PTPRN2: variants seen among roughly 807,000 people sequenced by gnomAD.
The protein encoded by PTPRN2 is receptor-type tyrosine-protein phosphatase N2.
PTPRN2 carries 74 observed loss-of-function variants against 118.8 expected under a neutral mutation model. The ratio of observed to expected loss-of-function variants is 0.62; its 90% CI spans 0.52 to 0.76. PTPRN2 has a LOEUF of 0.76. PTPRN2 is among the 30% of genes least tolerant of loss of function. The pLI is 0.00. For missense variants in PTPRN2, 1,481 were observed against 1,394.4 expected (o/e 1.06, Z -0.99); for synonymous variants, 641 against 608.0 (o/e 1.05, Z -0.80).
intron 2 of PTPRN2, among the ~76,000 whole-genome samples, chr7:158,336,734 C>A (rs1586346932): frequency 2.5e-5 from 3 of 117,898 alleles, no homozygotes; most frequent in South Asian, 6.1e-4. Flanking sequence ...AGAGCTGACG[C>A]CCGCAGACGT....
In PTPRN2 at chr7:157,975,470, C is replaced by A. The variant is rs552840818; in HGVS notation, c.1724-76733G>T. Among the ~76,000 whole-genome samples, 121 of 152,288 alleles carry A rather than the reference C, an allele frequency of 7.9e-4. 1 individual carries two copies. The highest frequency in any genetic ancestry group is 2.9e-3 in the African/African-American group (120 of 41,554). ...TCCTGGGTCAGGCACCTAGGAGTCCCTGAATGCAGGCAAATCATTCCTCAG... is the reference window on the plus strand; with the variant it reads ...TCCTGGGTCAGGCACCTAGGAGTCCATGAATGCAGGCAAATCATTCCTCAG... On this transcript the variant is annotated intron_variant, in intron 11 of 22. Coordinates refer to ENST00000389418, the MANE Select transcript of PTPRN2 (RefSeq NM_002847.5).
chr7:157,636,901 T>C (rs1804354323), intron 14 of PTPRN2, among the ~76,000 whole-genome samples: 1 of 152,230 alleles, frequency 6.6e-6, no homozygotes, highest in Admixed American at 6.5e-5. Context: ...CAGAAACCAA[T>C]GCTAACCTTT....
At chr7:158,415,183 G>A in intron 2 of PTPRN2, among the ~76,000 whole-genome samples, 1 of 152,162 alleles carries the variant, frequency 6.6e-6, no homozygotes, top group Non-Finnish European at 1.5e-5. Context: ...TCAACTCCCT[G>A]CTTCCCAATT....
intron 12 of PTPRN2, among the ~76,000 whole-genome samples, chr7:157,783,706 G>C (rs1022062673): frequency 6.6e-6 from 1 of 151,862 alleles, no homozygotes; most frequent in Non-Finnish European, 1.5e-5. Context: ...TGTCCCACCT[G>C]TGGGTCCTGG....
chr7:157,952,314 G>A (rs977371077), intron 11 of PTPRN2, among the ~76,000 whole-genome samples: 1 of 150,880 alleles, frequency 6.6e-6, no homozygotes, highest in African/African-American at 2.4e-5. Flanking sequence ...AGGAACCTGG[G>A]GTAGTGTGCA....
At chr7:157,922,223 T>C (rs1674861546) in intron 11 of PTPRN2, among the ~76,000 whole-genome samples, 1 of 152,254 alleles carries the variant, frequency 6.6e-6, no homozygotes, top group Non-Finnish European at 1.5e-5. Context: ...CTGACTCTAC[T>C]GACCAGGATT....
intron 1 of PTPRN2, among the ~76,000 whole-genome samples, chr7:158,514,608 T>C (rs1021403939): frequency 1.3e-5 from 2 of 152,106 alleles, no homozygotes; most frequent in East Asian, 3.8e-4. Context: ...ACCCCACCTC[T>C]TCCTCAGTGC....
chr7:158,150,110 T>A (rs1820813946), intron 6 of PTPRN2, among the ~76,000 whole-genome samples: 1 of 152,162 alleles, frequency 6.6e-6, no homozygotes, highest in Non-Finnish European at 1.5e-5. Context: ...GCCGTGGGTG[T>A]TCTGCTGAGC....
At position 157,578,031 on chromosome 7, in the gene PTPRN2, T is replaced by C. The variant is rs201099660; in HGVS notation, c.2606A>G (p.His869Arg). 1.2e-5 allele frequency: 19 copies of C among 1,611,350 alleles called. No homozygotes were observed. Among genetic ancestry groups the C allele is most frequent in the African/African-American group, 2.7e-5 (2 of 74,864 alleles). Residue 869 changes from histidine to arginine, a missense_variant, in exon 18 of 23, where the codon CAC becomes CGC. By Grantham distance (29) the His-to-Arg change is conservative. This residue lies in a region of PTPRN2 where 362 missense variants were observed against 384.1 expected (regional missense o/e 0.94). Transcript: ENST00000389418. ...CTCTGGTCGGAGTACCTCATAGATGTGGTAGAGATTGGAGCCTTCATCCGG... is the reference window on the plus strand; with the variant it reads ...CTCTGGTCGGAGTACCTCATAGATGCGGTAGAGATTGGAGCCTTCATCCGG... ...YWPDEGSNLY[H>R]IYEVNLVSEH...
At chr7:158,110,748 G>T in intron 10 of PTPRN2, 81 bp downstream of exon 10, 6 of 1,295,384 alleles carry the variant, frequency 4.6e-6, no homozygotes, top group Non-Finnish European at 5.4e-6. Context: ...AGAGCCATGG[G>T]CTCGCAGCTC....
rs190575386 is a variant in PTPRN2, at chr7:158,516,042, A to G, written c.113-26257T>C. Among the ~76,000 whole-genome samples, 1,240 of 152,192 alleles carry G rather than the reference A, an allele frequency of 8.1e-3. 6 individuals carry two copies. Among genetic ancestry groups the G allele is most frequent in the Non-Finnish European group, 0.013 (892 of 68,004 alleles). Reference sequence around the variant, plus strand: ...CATGATATCCACAGACACGCTGGTGATTGCACCTCACAGAAGCCTCTCTGG... The same window carrying G: ...CATGATATCCACAGACACGCTGGTGGTTGCACCTCACAGAAGCCTCTCTGG... On this transcript the variant is annotated intron_variant, in intron 1 of 22. Coordinates refer to ENST00000389418, the MANE Select transcript of PTPRN2 (RefSeq NM_002847.5).
At chr7:157,852,674 T>C (rs1169461173) in intron 12 of PTPRN2, among the ~76,000 whole-genome samples, 1 of 152,010 alleles carries the variant, frequency 6.6e-6, no homozygotes, top group African/African-American at 2.4e-5. Context: ...GCTGAGACCA[T>C]CCTGGCCAAC....
At chr7:157,768,823 G>T (rs1407493628) in intron 12 of PTPRN2, among the ~76,000 whole-genome samples, 2 of 152,136 alleles carry the variant, frequency 1.3e-5, no homozygotes, top group South Asian at 2.1e-4. Context: ...AAGTGATTGG[G>T]GTGTTTTGGC....
chr7:158,123,772 T>A (rs1456244606), intron 9 of PTPRN2, among the ~76,000 whole-genome samples: 1 of 152,232 alleles, frequency 6.6e-6, no homozygotes, highest in African/African-American at 2.4e-5. Flanking sequence ...AAGGTCTATA[T>A]AGCGTCACCT....
In PTPRN2 at chr7:157,868,110, G is replaced by A. The variant is rs138684510; in HGVS notation, c.1788+30563C>T. ...CCCACATGCACCTTAGAAAGGGCCC[G>A]AAACAGTTCACGAGTGGGGTGTGGG... On this transcript the variant is annotated intron_variant, in intron 12 of 22. Coordinates refer to ENST00000389418, the MANE Select transcript of PTPRN2 (RefSeq NM_002847.5). The surrounding 1 kb of genome is among the most constrained non-coding windows in gnomAD (Gnocchi z 5.2). Among the ~76,000 whole-genome samples the A allele has an allele frequency of 5.9e-3, 906 of 152,328 alleles. 13 individuals carry two copies. Among genetic ancestry groups the A allele is most frequent in the African/African-American group, 0.021 (854 of 41,578 alleles).
intron 11 of PTPRN2, 109 bp from the exon 12 acceptor site, chr7:157,898,846 A>G: frequency 1.1e-6 from 1 of 936,062 alleles, no homozygotes; most frequent in Non-Finnish European, 1.7e-6. Flanking sequence ...TGACTGCTTG[A>G]CCCGCCTACC....
chr7:158,170,804 T>A (rs1443858062), intron 5 of PTPRN2, among the ~76,000 whole-genome samples: 3 of 152,130 alleles, frequency 2.0e-5, no homozygotes, highest in Non-Finnish European at 4.4e-5. Context: ...TGGAGCTGCC[T>A]GGGTTTAAAC....
chr7:157,801,036 T>C lies in PTPRN2; in HGVS notation c.1788+97637A>G, dbSNP rs7802705. On this transcript the variant is annotated intron_variant, in intron 12 of 22. Transcript: ENST00000389418. The surrounding 1 kb of genome is among the most constrained non-coding windows in gnomAD (Gnocchi z 4.2). ...ATATACACACACATATATATACACA[T>C]ATATATACACATATATACACATATA... Among the ~76,000 whole-genome samples the C allele has an allele frequency of 0.022, 3,309 of 147,970 alleles. 124 individuals are homozygous for C. The highest frequency in any genetic ancestry group is 0.078 in the African/African-American group (3,110 of 40,102).
At chr7:157,543,614 C>T (rs896805732) in intron 22 of PTPRN2, among the ~76,000 whole-genome samples, 2 of 152,200 alleles carry the variant, frequency 1.3e-5, no homozygotes, top group South Asian at 2.1e-4. Context: ...GCTTGGATTT[C>T]TATTTGTGCT....
Sources: allele counts gnomAD v4.1 joint callset (sites outside exome capture counted in the v4.1 genomes callset), GRCh38; gene constraint gnomAD v4.1.1; regional missense constraint gnomAD v4.1.1; non-coding constraint Gnocchi (gnomAD v3.1); transcripts MANE v1.5; gene names NCBI Gene and HGNC (gene_info 2026-07-23, HGNC 2026-07-21).